Variants in SLC26A7 observed in about 807,000 individuals in gnomAD.
The protein encoded by SLC26A7 is solute carrier family 26 member 7, also known as anion exchange transporter.
In SLC26A7, 59 loss-of-function variants were observed where a neutral mutation model predicts 82.5. That is an observed-to-expected ratio of 0.72 (90% CI 0.58 to 0.89). The LOEUF (loss-of-function observed/expected upper bound fraction) is 0.89. SLC26A7 is among the 40% of genes least tolerant of loss of function. SLC26A7 has a pLI of 0.00. For missense variants in SLC26A7, 820 were observed against 793.0 expected, an observed-to-expected ratio of 1.03 and a Z score of -0.41; for synonymous variants, 271 against 274.3, an observed-to-expected ratio of 0.99 and a Z score of 0.12.
At chr8:91,336,277 G>A (rs1362013885) in intron 6 of SLC26A7, among the ~76,000 whole-genome samples, 1 of 152,008 alleles carries the variant, frequency 6.6e-6, no homozygotes, top group Non-Finnish European at 1.5e-5. Context: ...CTCAATCTCT[G>A]GGCCATGGAC....
intron 4 of SLC26A7, among the ~76,000 whole-genome samples, chr8:91,305,791 T>G (rs544036106): frequency 6.6e-6 from 1 of 152,336 alleles, no homozygotes; most frequent in East Asian, 1.9e-4. Context: ...TGGAGTAATG[T>G]GTACTTGGCT....
intron 5 of SLC26A7, among the ~76,000 whole-genome samples, chr8:91,325,139 C>T (rs1376971960): frequency 6.6e-6 from 1 of 152,102 alleles, no homozygotes; most frequent in Non-Finnish European, 1.5e-5. Flanking sequence ...CATGCCAGCT[C>T]CATTGTTCAA....
At chr8:91,277,697 A>G (rs764243561) in intron 2 of SLC26A7, among the ~76,000 whole-genome samples, 5 of 152,242 alleles carry the variant, frequency 3.3e-5, no homozygotes, top group Non-Finnish European at 7.3e-5. Context: ...AAAACTTAAA[A>G]TTCCCTAAAA....
chr8:91,348,086 A>G (rs142466809), intron 9 of SLC26A7, among the ~76,000 whole-genome samples: 3 of 152,234 alleles, frequency 2.0e-5, no homozygotes, highest in African/African-American at 7.2e-5. Context: ...GCCACAACTG[A>G]AAACAACAGC....
In SLC26A7 at chr8:91,299,226, G is replaced by A. The variant is rs559711477; in HGVS notation, c.477+3523G>A. On this transcript the variant is annotated intron_variant, in intron 4 of 18. Transcript: ENST00000276609. ...GGATATTAGCCCTTTTTCTGTGATAGATGTTGAAAGTATTTCCTTCTAATT... is the reference window on the plus strand; with the variant it reads ...GGATATTAGCCCTTTTTCTGTGATAAATGTTGAAAGTATTTCCTTCTAATT... 4.6e-5 allele frequency among the ~76,000 whole-genome samples: 7 copies of A among 152,078 alleles called. No individual in the cohort carries two copies. In the East Asian group the frequency reaches 1.4e-3, roughly 29 times the overall value.
chr8:91,227,087 C>T (rs563042391), intron 2 of SLC26A7, among the ~76,000 whole-genome samples: 3 of 152,316 alleles, frequency 2.0e-5, no homozygotes, highest in South Asian at 4.2e-4. Flanking sequence ...TCCACATATA[C>T]ATGTATGTGT....
chr8:91,310,704 T>G (rs1179396922), intron 4 of SLC26A7, among the ~76,000 whole-genome samples: 1 of 152,082 alleles, frequency 6.6e-6, no homozygotes, highest in Non-Finnish European at 1.5e-5. Context: ...CAAGTGAGCA[T>G]GCATATGACT....
intron 5 of SLC26A7, among the ~76,000 whole-genome samples, chr8:91,334,047 T>C (rs1813170359): frequency 6.6e-6 from 1 of 152,174 alleles, no homozygotes; most frequent in African/African-American, 2.4e-5. Flanking sequence ...AGTCATTCTC[T>C]TTAGCAGTGT....
At chr8:91,288,159 T>C (rs984099553) in intron 2 of SLC26A7, among the ~76,000 whole-genome samples, 1 of 152,186 alleles carries the variant, frequency 6.6e-6, no homozygotes, top group African/African-American at 2.4e-5. Context: ...CAGTAAATAT[T>C]ATTGATATTA....
chr8:91,219,390 A>G (rs1432608422), intron 2 of SLC26A7, among the ~76,000 whole-genome samples: 1 of 152,144 alleles, frequency 6.6e-6, no homozygotes, highest in Non-Finnish European at 1.5e-5. Flanking sequence ...TGTGCTAGAT[A>G]GTCGTATTAT....
At chr8:91,234,831 CCTTCCT>C (rs1563637525) in intron 2 of SLC26A7, among the ~76,000 whole-genome samples, 24 of 100,492 alleles carry the variant, frequency 2.4e-4, no homozygotes, top group African/African-American at 3.5e-4. Flanking sequence ...CTACCTACTT[CCTTCCT>C]TCCTTCCTTC....
intron 5 of SLC26A7, among the ~76,000 whole-genome samples, chr8:91,332,157 A>G (rs1048433303): frequency 6.8e-5 from 10 of 146,940 alleles, no homozygotes; most frequent in African/African-American, 2.5e-4. Flanking sequence ...ATATATATAT[A>G]TACACACACA....
intron 4 of SLC26A7, among the ~76,000 whole-genome samples, chr8:91,306,137 C>A (rs1419552118): frequency 2.0e-5 from 3 of 152,156 alleles, no homozygotes; most frequent in African/African-American, 7.2e-5. Context: ...GTGAACATAT[C>A]CATGCTGTCC....
intron 4 of SLC26A7, among the ~76,000 whole-genome samples, chr8:91,301,997 G>A (rs1812179929): frequency 6.6e-6 from 1 of 151,840 alleles, no homozygotes; most frequent in African/African-American, 2.4e-5. Context: ...AATTTTAGGT[G>A]GGTGAGTCTT....
chr8:91,394,795 GTA>G, intron 18 of SLC26A7: 1 of 940,460 alleles, frequency 1.1e-6, no homozygotes, highest in South Asian at 2.6e-5. Flanking sequence ...ACCTTATGAG[GTA>G]GATATGATAA....
chr8:91,396,177 A>G lies in SLC26A7; in HGVS notation c.*1080A>G, dbSNP rs550407105. 2.0e-5 allele frequency: 3 copies of G among 152,160 alleles called. No individual in the cohort carries two copies. The highest frequency in any genetic ancestry group is 1.9e-4 in the East Asian group (1 of 5,178). 9.4% of individuals were successfully genotyped at this position (152,160 alleles called of 1,614,324 possible). ...GGCTGAACTGTATGTTACTGTTTTC[A>G]TGCTTATACATATATTTTCAATCAC... On this transcript the variant is annotated 3_prime_UTR_variant, in exon 19 of 19. Coordinates refer to ENST00000276609, the MANE Select transcript of SLC26A7 (RefSeq NM_052832.4).
chr8:91,273,402 G>A (rs1404787893), intron 2 of SLC26A7, among the ~76,000 whole-genome samples: 2 of 152,044 alleles, frequency 1.3e-5, no homozygotes, highest in African/African-American at 4.8e-5. Flanking sequence ...AGTAACCTTG[G>A]GAATGCTGAC....
intron 2 of SLC26A7, among the ~76,000 whole-genome samples, chr8:91,274,536 G>A (rs544502380): frequency 5.3e-5 from 8 of 152,314 alleles, no homozygotes; most frequent in South Asian, 4.1e-4. Context: ...ATGCAAGAGT[G>A]TGTGCAAGAG....
At chr8:91,391,771 G>A (rs928687532) in intron 16 of SLC26A7, among the ~76,000 whole-genome samples, 1 of 151,930 alleles carries the variant, frequency 6.6e-6, no homozygotes, top group Non-Finnish European at 1.5e-5. Flanking sequence ...GATGCAGGGG[G>A]CTCAAGGATC....
Sources: allele counts gnomAD v4.1 joint callset (sites outside exome capture counted in the v4.1 genomes callset), GRCh38; gene constraint gnomAD v4.1.1; transcripts MANE v1.5; gene names NCBI Gene and HGNC (gene_info 2026-07-23, HGNC 2026-07-21).